Variants in ZNF217 observed in about 807,000 individuals in gnomAD.
ZNF217 encodes zinc finger protein 217.
ZNF217 carries 12 observed loss-of-function variants against 73.3 expected under a neutral mutation model. The ratio of observed to expected loss-of-function variants is 0.16; its 90% confidence interval spans 0.10 to 0.27. The LOEUF (loss-of-function observed/expected upper bound fraction) is 0.27. ZNF217 is among the 10% of genes least tolerant of loss of function. The pLI is 1.00. For synonymous variants in ZNF217, 588 were observed against 516.4 expected (o/e 1.14, Z -1.88); for missense variants, 1,195 against 1,327.8 (o/e 0.90, Z 1.55).
intron 1 of ZNF217, among the ~76,000 whole-genome samples, chr20:53,589,533 T>C (rs1439269055): frequency 6.6e-6 from 1 of 152,266 alleles, no homozygotes; most frequent in Non-Finnish European, 1.5e-5. Flanking sequence ...CCTATTTATC[T>C]GGAAGATAGA....
In ZNF217 at chr20:53,576,799, G is replaced by A; in HGVS notation, c.1965C>T (p.Thr655=). 2 of 1,614,196 alleles carry A rather than the reference G, an allele frequency of 1.2e-6. No individual in the cohort carries two copies. The highest frequency in any genetic ancestry group is 1.1e-5 in the South Asian group (1 of 91,084). Residue 655 remains threonine (T), a synonymous_variant, in exon 4 of 6, where the codon ACC becomes ACT. Transcript: ENST00000371471. ...ADVTPPPDGS[T]THNLEVSPKE... Reference sequence around the variant, plus strand: ...TGGGGCTAACTTCAAGGTTATGGGTGGTACTGCCATCCGGAGGAGGAGTAA... The same window carrying A: ...TGGGGCTAACTTCAAGGTTATGGGTAGTACTGCCATCCGGAGGAGGAGTAA...
chr20:53,569,549 A>T (rs927871258), intron 5 of ZNF217, among the ~76,000 whole-genome samples: 1 of 151,876 alleles, frequency 6.6e-6, no homozygotes, highest in African/African-American at 2.4e-5. Context: ...CGCCCGGCTA[A>T]TTTTTTTGTA....
intron 2 of ZNF217, 26 bp from the exon 3 acceptor site, chr20:53,578,476 T>C: frequency 7.0e-7 from 1 of 1,433,230 alleles, no homozygotes; most frequent in South Asian, 1.3e-5. Context: ...AAAATATTTA[T>C]ATAAGAAGGT....
Position 53,575,908 on chromosome 20 carries a change from T to C in ZNF217, c.2856A>G (p.Thr952=). 1 of 1,614,206 alleles carries C rather than the reference T, an allele frequency of 6.2e-7. No individual in the cohort carries two copies. The highest frequency in any genetic ancestry group is 8.5e-7 in the Non-Finnish European group (1 of 1,180,034). Reference sequence around the variant, plus strand: ...ACACACAGTCCTGCGGTAACAGTGATGTGATGCCTCTGACCATATGGTACT... The same window carrying C: ...ACACACAGTCCTGCGGTAACAGTGACGTGATGCCTCTGACCATATGGTACT... ...LPKYHMVRGI[T]SLLPQDCVYP... is the part of the protein sequence containing the mutation. The change falls in exon 4 of 6, where the codon ACA becomes ACG. Residue 952 remains threonine, a synonymous_variant. Transcript: ENST00000371471.
At chr20:53,571,202 C>T (rs936750338) in intron 5 of ZNF217, among the ~76,000 whole-genome samples, 3 of 152,132 alleles carry the variant, frequency 2.0e-5, no homozygotes, top group Non-Finnish European at 2.9e-5. Flanking sequence ...ACACTTCATT[C>T]AATGCCTAGC....
At chr20:53,590,751 TAA>T (rs1426479701) in intron 1 of ZNF217, among the ~76,000 whole-genome samples, 1 of 152,142 alleles carries the variant, frequency 6.6e-6, no homozygotes, top group African/African-American at 2.4e-5. Flanking sequence ...TAAATGTTGT[TAA>T]GAGAGAAAAA....
chr20:53,585,803 T>C (rs1988674425), intron 1 of ZNF217, among the ~76,000 whole-genome samples: 1 of 152,108 alleles, frequency 6.6e-6, no homozygotes, highest in Non-Finnish European at 1.5e-5. Flanking sequence ...GTGAACAGCC[T>C]GGGAGACCTG....
At chr20:53,596,362 G>A (rs1459042741), upstream of ZNF217, among the ~76,000 whole-genome samples, 3 of 152,156 alleles carry the variant, frequency 2.0e-5, no homozygotes, top group Non-Finnish European at 4.4e-5. Flanking sequence ...TTTGAGCAAA[G>A]AATTACAAAG....
chr20:53,574,143 T>C (rs1003096993), intron 4 of ZNF217, among the ~76,000 whole-genome samples: 1 of 152,156 alleles, frequency 6.6e-6, no homozygotes, highest in Non-Finnish European at 1.5e-5. Flanking sequence ...ATAGTTGTTA[T>C]ACTGTATTAT....
At chr20:53,597,603 A>G (rs1030815869), upstream of ZNF217, 1 of 145,008 alleles carries the variant, frequency 6.9e-6, no homozygotes, top group African/African-American at 2.6e-5. Context: ...ATTTATATAT[A>G]TGTATATATA....
At chr20:53,590,624 G>A (rs1363755977) in intron 1 of ZNF217, among the ~76,000 whole-genome samples, 2 of 152,068 alleles carry the variant, frequency 1.3e-5, no homozygotes, top group Non-Finnish European at 2.9e-5. Flanking sequence ...TTTATAAAGT[G>A]GGAAAACAGC....
Position 53,582,566 on chromosome 20 carries a change from T to C in ZNF217, c.261A>G (p.Gln87=), listed in dbSNP as rs776267070. ...CTGGTTCACAGAGGGTAGGCCGGTG[T>C]TGCATTAAGACATGTTTATTAAGGT... ...SEDLNKHVLM[Q]HRPTLCEPAV... The change falls in exon 2 of 6, where the codon CAA becomes CAG. Residue 87 remains glutamine (Q), a synonymous_variant. Coordinates refer to ENST00000371471, the MANE Select transcript of ZNF217 (RefSeq NM_006526.3). This position sits in a 1 kb window ranked among gnomAD's most constrained non-coding sequence, Gnocchi z 4.8. 2 of 1,614,190 alleles carry C rather than the reference T, an allele frequency of 1.2e-6. No individual in the cohort carries two copies. Among genetic ancestry groups the C allele is most frequent in the Middle Eastern group, 1.6e-4 (1 of 6,062 alleles).
upstream of ZNF217, among the ~76,000 whole-genome samples, chr20:53,595,558 C>G (rs1989027564): frequency 6.6e-6 from 1 of 152,108 alleles, no homozygotes; most frequent in South Asian, 2.1e-4. Context: ...ACTACTAACC[C>G]CACATATGGT....
In ZNF217 at chr20:53,583,175, GAA is replaced by G; in HGVS notation, c.-342-9_-342-8del. On this transcript the variant is annotated splice_region_variant and splice_polypyrimidine_tract_variant and intron_variant, in intron 1 of 5. Transcript: ENST00000371471. Reference sequence around the variant, plus strand: ...GACAAGGGATTTCCAAACCCTAGAGGAAAAAAAACAGAAACGGTTAGCTACAC... The same window carrying G: ...GACAAGGGATTTCCAAACCCTAGAGGAAAAAACAGAAACGGTTAGCTACAC... 2.4e-6 allele frequency: 1 copy of G among 409,302 alleles called. No individual in the cohort carries two copies. Among genetic ancestry groups the G allele is most frequent in the South Asian group, 1.0e-4 (1 of 9,882 alleles). 25.4% of individuals were successfully genotyped at this position (409,302 alleles called of 1,614,324 possible).
In ZNF217 at chr20:53,576,777, G is replaced by A. The variant is rs370634538; in HGVS notation, c.1987C>T (p.Pro663Ser). Residue 663 changes from proline to serine, a missense_variant, in exon 4 of 6, where the codon CCC becomes TCC. Pro to Ser is a moderately conservative substitution (Grantham distance 74). Transcript: ENST00000371471. ...GSTTHNLEVS[P>S]KEKQTETAAD... Reference sequence around the variant, plus strand: ...GCGGTCTCCGTTTGCTTCTCTTTGGGGCTAACTTCAAGGTTATGGGTGGTA... The same window carrying A: ...GCGGTCTCCGTTTGCTTCTCTTTGGAGCTAACTTCAAGGTTATGGGTGGTA... The A allele has an allele frequency of 1.9e-6, 3 of 1,614,050 alleles. No homozygotes were observed. In the African/African-American group the frequency reaches 4.0e-5, roughly 22 times the overall value.
Position 53,569,949 on chromosome 20 carries a change from C to T in ZNF217, c.*24-685G>A, listed in dbSNP as rs117857403. Among the ~76,000 whole-genome samples the T allele has an allele frequency of 2.4e-3, 361 of 152,130 alleles. 16 individuals carry two copies. The East Asian group carries it at 0.066, about 28-fold the overall frequency. ...CACTCCAGACCCTGTCTCAGACAAA[C>T]AAAACCAATATGTGAGCTGGTCCAG... is the stretch of plus-strand genomic sequence containing the variant. On this transcript the variant is annotated intron_variant, in intron 5 of 5. Coordinates refer to ENST00000371471, the MANE Select transcript of ZNF217 (RefSeq NM_006526.3).
At chr20:53,580,895 C>T (rs1433285542) in intron 2 of ZNF217, among the ~76,000 whole-genome samples, 1 of 152,142 alleles carries the variant, frequency 6.6e-6, no homozygotes, top group East Asian at 1.9e-4. Context: ...AGAAAAAGAT[C>T]AGGAACGCCA....
rs1988568512 is a variant in ZNF217, at chr20:53,583,056, G to A, written c.-230C>T. 1.0e-5 allele frequency: 5 copies of A among 484,570 alleles called. No homozygotes were observed. The highest frequency in any genetic ancestry group is 4.2e-5 in the South Asian group (1 of 24,066). 30.0% of individuals were successfully genotyped at this position (484,570 alleles called of 1,614,324 possible). A position where few individuals can be genotyped will look rare whatever the true frequency, so the allele number is the denominator to read the frequency against. On this transcript the variant is annotated 5_prime_UTR_variant, in exon 2 of 6. It introduces an in-frame stop codon into an upstream open reading frame of the 5' UTR. Coordinates refer to ENST00000371471, the MANE Select transcript of ZNF217 (RefSeq NM_006526.3). ...AGGCATACAGGGTTCCCAATGCCTCGATTCAAATATGAATCAGCACAAAGC... is the reference window on the plus strand; with the variant it reads ...AGGCATACAGGGTTCCCAATGCCTCAATTCAAATATGAATCAGCACAAAGC...
Position 53,583,145 on chromosome 20 carries a change from C to G in ZNF217, c.-319G>C, listed in dbSNP as rs565631071. On this transcript the variant is annotated 5_prime_UTR_variant, in exon 2 of 6. Coordinates refer to ENST00000371471, the MANE Select transcript of ZNF217 (RefSeq NM_006526.3). The stretch of plus-strand genomic sequence containing the variant: ...TGAGCAAGAAGTCAATCCCAGCAAC[C>G]TGGAGACAAGGGATTTCCAAACCCT... The G allele has an allele frequency of 1.5e-4, 63 of 411,080 alleles. 1 individual carries two copies. Among genetic ancestry groups the G allele is most frequent in the African/African-American group, 1.1e-3 (56 of 48,804 alleles). The allele number at this position is 411,080 out of a possible 1,614,324, so 25.5% of individuals were successfully genotyped here.
Sources: gnomAD v4.1 joint callset for allele counts (sites outside exome capture counted in the v4.1 genomes callset) on GRCh38, gnomAD v4.1.1 for gene constraint, Gnocchi (gnomAD v3.1) non-coding constraint, MANE v1.5 for transcripts, NCBI Gene and HGNC (gene_info 2026-07-23, HGNC 2026-07-21) for gene names.